The following BMPER variants were observed in gnomAD, a reference collection of about 807,000 sequenced individuals.
BMPER encodes BMP binding endothelial regulator.
Under a neutral mutation model 87.3 loss-of-function variants are expected in BMPER, and 45 were observed. That is an observed-to-expected ratio of 0.52 (90% CI 0.41 to 0.66). The LOEUF (loss-of-function observed/expected upper bound fraction) is 0.66, where lower values mean the gene tolerates loss of function less well. BMPER is among the 30% of genes least tolerant of loss of function. BMPER has a pLI of 0.00. For synonymous variants in BMPER, 326 were observed against 316.2 expected (o/e 1.03, Z -0.33); for missense variants, 784 against 867.5 (o/e 0.90, Z 1.21).
intron 6 of BMPER, among the ~76,000 whole-genome samples, chr7:33,977,628 G>T (rs1008960824): frequency 6.6e-6 from 1 of 152,072 alleles, no homozygotes; most frequent in Non-Finnish European, 1.5e-5. Context: ...AACCTGTTGT[G>T]CTTTGGTAAA....
intron 6 of BMPER, among the ~76,000 whole-genome samples, chr7:33,976,478 G>A (rs779739348): frequency 1.3e-5 from 2 of 152,074 alleles, no homozygotes; most frequent in African/African-American, 2.4e-5. Flanking sequence ...TTATGTAAAT[G>A]ATTTATGTAA....
chr7:33,990,270 T>C (rs1786166945), intron 6 of BMPER, among the ~76,000 whole-genome samples: 1 of 82,604 alleles, frequency 1.2e-5, no homozygotes, highest in African/African-American at 5.9e-5. Context: ...CTTCCATTTG[T>C]TGTATCCTCT....
At chr7:33,931,006 C>CT (rs1042332772) in intron 2 of BMPER, among the ~76,000 whole-genome samples, 18 of 152,222 alleles carry the variant, frequency 1.2e-4, no homozygotes, top group Middle Eastern at 6.8e-3. Flanking sequence ...CAACACACTT[C>CT]TTTTTTCAGC....
chr7:33,924,521 G>A (rs952020560), intron 2 of BMPER, among the ~76,000 whole-genome samples: 2 of 152,134 alleles, frequency 1.3e-5, no homozygotes, highest in South Asian at 2.1e-4. Flanking sequence ...TTACTCCTAC[G>A]GGATACCCAA....
At position 33,923,308 on chromosome 7, in the gene BMPER, T is replaced by C. The variant is rs114217479; in HGVS notation, c.220-13981T>C. ...CTTTCTATTACTCCCAAGTGTTTAATGTCCCCTCCGCCACACACACCCGTC... is the reference window on the plus strand; with the variant it reads ...CTTTCTATTACTCCCAAGTGTTTAACGTCCCCTCCGCCACACACACCCGTC... On this transcript the variant is annotated intron_variant, in intron 2 of 14. Coordinates refer to ENST00000649409, the MANE Select transcript of BMPER (RefSeq NM_001365308.1). Among the ~76,000 whole-genome samples the C allele has an allele frequency of 5.3e-3, 808 of 152,316 alleles. 6 individuals carry two copies. The highest frequency in any genetic ancestry group is 0.017 in the African/African-American group (701 of 41,568).
At chr7:33,921,069 A>T (rs1046680500) in intron 2 of BMPER, among the ~76,000 whole-genome samples, 1 of 152,158 alleles carries the variant, frequency 6.6e-6, no homozygotes, top group Non-Finnish European at 1.5e-5. Flanking sequence ...TTGTTCCTTG[A>T]AGACTTTATA....
chr7:34,012,800 T>C lies in BMPER; in HGVS notation c.577-33506T>C, dbSNP rs542993780. Among the ~76,000 whole-genome samples, 9 of 152,042 alleles carry C rather than the reference T, an allele frequency of 5.9e-5. No homozygotes were observed. The South Asian group carries it at 1.2e-3, about 21-fold the overall frequency. ...AAAAGACTCATGAAGGAAAATCAAA[T>C]ATATCAATTATAACCATAAATCTAA... On this transcript the variant is annotated intron_variant, in intron 6 of 14. Transcript: ENST00000649409.
chr7:34,109,088 G>A (rs530561127), intron 13 of BMPER, among the ~76,000 whole-genome samples: 17 of 152,296 alleles, frequency 1.1e-4, no homozygotes, highest in Non-Finnish European at 2.1e-4. Context: ...ATGAGTTGGC[G>A]AGCTGGAGAC....
intron 6 of BMPER, among the ~76,000 whole-genome samples, chr7:33,983,606 A>G (rs189836734): frequency 7.9e-5 from 12 of 152,274 alleles, no homozygotes; most frequent in African/African-American, 1.7e-4. Context: ...CAAAAACCCA[A>G]GCTTCTGAGA....
intron 11 of BMPER, among the ~76,000 whole-genome samples, chr7:34,076,449 A>T (rs1340602463): frequency 6.6e-6 from 1 of 152,180 alleles, no homozygotes; most frequent in Admixed American, 6.5e-5. Context: ...ATTAATTTTA[A>T]CATAGTTAAA....
At chr7:34,089,157 C>G (rs1789304743) in intron 13 of BMPER, among the ~76,000 whole-genome samples, 1 of 152,060 alleles carries the variant, frequency 6.6e-6, no homozygotes, top group Non-Finnish European at 1.5e-5. Context: ...TTTTTGAGCC[C>G]TTACAAGACT....
chr7:34,051,009 C>T (rs1788134337), intron 7 of BMPER, among the ~76,000 whole-genome samples: 1 of 152,136 alleles, frequency 6.6e-6, no homozygotes, highest in South Asian at 2.1e-4. Flanking sequence ...AACTCTGTAG[C>T]TTGTAAACAA....
rs1180001146 is a variant in BMPER at position 34,102,672 on chromosome 7, T to A, written c.1745+16580T>A. Among the ~76,000 whole-genome samples, 3 of 152,288 alleles carry A rather than the reference T, an allele frequency of 2.0e-5. No homozygotes were observed. In the East Asian group the frequency reaches 5.8e-4, roughly 29 times the overall value. ...TTATTCTAGAGTATTTGTGGCACTC[T>A]TATTTAACCACAGCTCCTGCCAATA... On this transcript the variant is annotated intron_variant, in intron 13 of 14. Transcript: ENST00000649409.
chr7:34,048,616 A>G (rs186202380), intron 7 of BMPER, among the ~76,000 whole-genome samples: 46 of 152,320 alleles, frequency 3.0e-4, no homozygotes, highest in Admixed American at 3.0e-3. Flanking sequence ...AAGATAAGTA[A>G]GCTTGATTCA....
At chr7:33,914,969 C>T (rs904308227) in intron 2 of BMPER, among the ~76,000 whole-genome samples, 4 of 152,118 alleles carry the variant, frequency 2.6e-5, no homozygotes, top group East Asian at 1.9e-4. Context: ...ATGGTCCCTT[C>T]CCCCCAGACC....
chr7:33,965,893 G>A (rs1179419521), intron 3 of BMPER, among the ~76,000 whole-genome samples: 2 of 152,166 alleles, frequency 1.3e-5, no homozygotes, highest in Admixed American at 6.5e-5. Context: ...TTTCAGATTC[G>A]CTTAGTCTAA....
At chr7:34,023,996 A>G (rs1787270977) in intron 6 of BMPER, among the ~76,000 whole-genome samples, 3 of 152,066 alleles carry the variant, frequency 2.0e-5, no homozygotes, top group Admixed American at 6.6e-5. Flanking sequence ...TTTTTCAAGA[A>G]GAACCATCTT....
At chr7:34,059,894 C>T (rs1788390100) in intron 10 of BMPER, among the ~76,000 whole-genome samples, 1 of 152,048 alleles carries the variant, frequency 6.6e-6, no homozygotes, top group African/African-American at 2.4e-5. Context: ...TGCCTCTCCT[C>T]CCCCATCCTG....
chr7:34,008,969 G>A (rs1395000011), intron 6 of BMPER, among the ~76,000 whole-genome samples: 4 of 151,866 alleles, frequency 2.6e-5, no homozygotes, highest in Non-Finnish European at 5.9e-5. Context: ...AGCCTCCTGA[G>A]TAGACACTGT....
Sources: gnomAD v4.1 joint callset for allele counts (sites outside exome capture counted in the v4.1 genomes callset) on GRCh38, gnomAD v4.1.1 for gene constraint, MANE v1.5 for transcripts, NCBI Gene and HGNC (gene_info 2026-07-23, HGNC 2026-07-21) for gene names.